The following SGCZ variants were observed in gnomAD, a reference collection of about 807,000 sequenced individuals.
SGCZ encodes zeta-sarcoglycan.
A neutral mutation model predicts 41.3 loss-of-function variants in SGCZ; 40 were observed. The ratio of observed to expected loss-of-function variants is 0.97; its 90% confidence interval spans 0.75 to 1.26. SGCZ has a LOEUF of 1.26. Among genes scored for constraint, SGCZ ranks in the 50% most tolerant of loss-of-function variants. The probability of loss-of-function intolerance (pLI) is 0.00; values close to 1 mark genes in which losing one functional copy is unlikely to be tolerated. For synonymous variants in SGCZ, 206 were observed against 137.5 expected (o/e 1.50, Z -3.49); for missense variants, 552 against 369.8 (o/e 1.49, Z -4.04).
At chr8:14,503,691 C>A (rs1193576539) in intron 2 of SGCZ, among the ~76,000 whole-genome samples, 1 of 152,044 alleles carries the variant, frequency 6.6e-6, no homozygotes, top group East Asian at 1.9e-4. Flanking sequence ...TCGCTTGAAC[C>A]TGGGAGGTGG....
At position 14,888,773 on chromosome 8, in the gene SGCZ, T is replaced by C. The variant is rs1187172954; in HGVS notation, c.40-333847A>G. ...CTGCTACTGAAACACATTGTCTATA[T>C]ACATTCATTTGTTTTTCTCAAAAAT... On this transcript the variant is annotated intron_variant, in intron 1 of 7. Coordinates refer to ENST00000382080, the MANE Select transcript of SGCZ (RefSeq NM_139167.4). 2.0e-5 allele frequency among the ~76,000 whole-genome samples: 3 copies of C among 152,312 alleles called. No homozygotes were observed. The South Asian group carries it at 6.2e-4, about 32-fold the overall frequency.
chr8:14,307,139 C>G (rs1420529008), intron 3 of SGCZ, among the ~76,000 whole-genome samples: 1 of 152,106 alleles, frequency 6.6e-6, no homozygotes, highest in Non-Finnish European at 1.5e-5. Context: ...ACAAGAGCAT[C>G]TGTGGGAATA....
At chr8:14,824,069 A>G (rs193255399) in intron 1 of SGCZ, among the ~76,000 whole-genome samples, 126 of 152,234 alleles carry the variant, frequency 8.3e-4, no homozygotes, top group African/African-American at 2.9e-3. Context: ...CAAAGAATAG[A>G]ACAGTGGTTA....
intron 1 of SGCZ, among the ~76,000 whole-genome samples, chr8:14,993,734 G>A (rs75077578): frequency 0.022 from 3,382 of 152,260 alleles, 146 homozygotes; most frequent in African/African-American, 0.077. Flanking sequence ...CCAGACCAGT[G>A]TACCTGGCGC....
chr8:14,380,376 ATAAACT>A (rs572938127), intron 2 of SGCZ, among the ~76,000 whole-genome samples: 1 of 152,306 alleles, frequency 6.6e-6, no homozygotes, highest in East Asian at 1.9e-4. Flanking sequence ...AATGTCATAG[ATAAACT>A]TATACTCTGA....
intron 4 of SGCZ, among the ~76,000 whole-genome samples, chr8:14,231,104 G>C (rs943556418): frequency 6.7e-6 from 1 of 149,578 alleles, no homozygotes; most frequent in African/African-American, 2.5e-5. Flanking sequence ...TTTCTAAAAG[G>C]TGTCCTGACT....
intron 1 of SGCZ, among the ~76,000 whole-genome samples, chr8:15,021,867 C>T (rs1307064837): frequency 1.3e-5 from 2 of 152,176 alleles, no homozygotes; most frequent in Non-Finnish European, 1.5e-5. Flanking sequence ...TCCTGGAATG[C>T]CCTTGCTAAT....
rs926719909 is a variant in SGCZ at position 14,085,549 on chromosome 8, T to A, written c.*4894A>T. Among the ~76,000 whole-genome samples, 1 of 151,762 alleles carries A rather than the reference T, an allele frequency of 6.6e-6. No homozygotes were observed. On this transcript the variant is annotated 3_prime_UTR_variant, in exon 8 of 8. Coordinates refer to ENST00000382080, the MANE Select transcript of SGCZ (RefSeq NM_139167.4). ...GGCTTTCTCAAAATGCAGAGCCACC[T>A]CAGTTAACAATTAAAAAATAGCCCT... is the stretch of plus-strand genomic sequence containing the variant.
chr8:14,790,123 T>C lies in SGCZ; in HGVS notation c.40-235197A>G, dbSNP rs114740235. ...GACAGCATTCTGCCCATTGAATGCA[T>C]GTATGTGTTCATTAGAAATAGGAAA... On this transcript the variant is annotated intron_variant, in intron 1 of 7. Coordinates refer to ENST00000382080, the MANE Select transcript of SGCZ (RefSeq NM_139167.4). Among the ~76,000 whole-genome samples, 1,082 of 152,274 alleles carry C rather than the reference T, an allele frequency of 7.1e-3. 10 individuals carry two copies. Among genetic ancestry groups the C allele is most frequent in the African/African-American group, 0.025 (1,030 of 41,556 alleles).
chr8:14,829,701 G>C (rs17120356), intron 1 of SGCZ, among the ~76,000 whole-genome samples: 15,102 of 151,962 alleles, frequency 0.099, 1,253 homozygotes, highest in African/African-American at 0.22. Context: ...TCTTACAGTA[G>C]TTAGATGCTT....
intron 1 of SGCZ, among the ~76,000 whole-genome samples, chr8:14,694,595 G>A (rs1279221419): frequency 6.6e-6 from 1 of 152,118 alleles, no homozygotes; most frequent in Admixed American, 6.5e-5. Flanking sequence ...GATAGAATCT[G>A]ATTTCTGTGG....
At chr8:15,076,917 T>G (rs1224641739) in intron 1 of SGCZ, among the ~76,000 whole-genome samples, 2 of 152,194 alleles carry the variant, frequency 1.3e-5, no homozygotes, top group Non-Finnish European at 2.9e-5. Context: ...AAAACCTTCA[T>G]AGAATATGCT....
At chr8:14,627,053 T>G (rs1159169152) in intron 1 of SGCZ, among the ~76,000 whole-genome samples, 1 of 152,212 alleles carries the variant, frequency 6.6e-6, no homozygotes, top group African/African-American at 2.4e-5. Flanking sequence ...TCTTTAATCT[T>G]GAACCTAACA....
chr8:14,441,223 A>T (rs1016291634), intron 2 of SGCZ, among the ~76,000 whole-genome samples: 4 of 152,072 alleles, frequency 2.6e-5, no homozygotes, highest in Non-Finnish European at 5.9e-5. Context: ...CAAATTACAG[A>T]TTTTCCTCTT....
chr8:14,126,426 G>A (rs541574938), intron 5 of SGCZ, among the ~76,000 whole-genome samples: 1 of 151,778 alleles, frequency 6.6e-6, no homozygotes, highest in Admixed American at 6.6e-5. Flanking sequence ...ACCACAGTGA[G>A]ATACCATATT....
At chr8:14,779,652 T>C (rs1800524522) in intron 1 of SGCZ, among the ~76,000 whole-genome samples, 1 of 152,210 alleles carries the variant, frequency 6.6e-6, no homozygotes, top group Non-Finnish European at 1.5e-5. Context: ...AGTGAAAATA[T>C]TCTTTAACGT....
chr8:15,169,889 T>C (rs73533436), intron 1 of SGCZ, among the ~76,000 whole-genome samples: 3,346 of 152,290 alleles, frequency 0.022, 117 homozygotes, highest in African/African-American at 0.075. Context: ...TTACCATACC[T>C]AGGATTTAAG....
At chr8:14,829,842 C>A (rs1024527729) in intron 1 of SGCZ, among the ~76,000 whole-genome samples, 4 of 152,078 alleles carry the variant, frequency 2.6e-5, no homozygotes, top group Non-Finnish European at 5.9e-5. Flanking sequence ...GACGGATTCT[C>A]GCTCTGTCGC....
chr8:14,202,167 A>C (rs1259910134), intron 4 of SGCZ, among the ~76,000 whole-genome samples: 1 of 152,194 alleles, frequency 6.6e-6, no homozygotes, highest in Non-Finnish European at 1.5e-5. Flanking sequence ...GAGGCTAAAG[A>C]AGAGTCAGTG....
Sources: gnomAD v4.1 joint callset for allele counts (sites outside exome capture counted in the v4.1 genomes callset) on GRCh38, gnomAD v4.1.1 for gene constraint, MANE v1.5 for transcripts, NCBI Gene and HGNC (gene_info 2026-07-23, HGNC 2026-07-21) for gene names.